WWOX: variants seen among roughly 807,000 people sequenced by gnomAD.
WWOX encodes the protein WW domain-containing oxidoreductase.
Under a neutral mutation model 46.2 loss-of-function variants are expected in WWOX, and 69 were observed. The ratio of observed to expected loss-of-function variants is 1.49; its 90% CI spans 1.23 to 1.82. The LOEUF (loss-of-function observed/expected upper bound fraction) is 1.82. WWOX is among the 40% of genes most tolerant of loss of function. The pLI, the probability that WWOX is intolerant of heterozygous loss-of-function variation, is 0.00. For synonymous variants in WWOX, 359 were observed against 202.6 expected, an observed-to-expected ratio of 1.77 and a Z score of -6.56; for missense variants, 919 against 542.6, an observed-to-expected ratio of 1.69 and a Z score of -6.89.
At chr16:78,487,610 C>A (rs1023905988) in intron 8 of WWOX, among the ~76,000 whole-genome samples, 1 of 152,150 alleles carries the variant, frequency 6.6e-6, no homozygotes, top group Non-Finnish European at 1.5e-5. Context: ...GTCATTTGTA[C>A]TGGGCATCTG....
intron 6 of WWOX, among the ~76,000 whole-genome samples, chr16:78,411,995 T>A (rs1243260131): frequency 6.6e-6 from 1 of 152,202 alleles, no homozygotes; most frequent in African/African-American, 2.4e-5. Flanking sequence ...GTCCTCCTTG[T>A]CAACAGAGCA....
intron 3 of WWOX, 36 bp from the exon 4 acceptor site, chr16:78,114,940 C>A: frequency 6.2e-7 from 1 of 1,613,488 alleles, no homozygotes; most frequent in Non-Finnish European, 8.5e-7. Context: ...TGCCTGTGTT[C>A]ATTGCTGTGG....
chr16:78,333,236 G>T (rs1018504916), intron 5 of WWOX, among the ~76,000 whole-genome samples: 12 of 151,508 alleles, frequency 7.9e-5, no homozygotes, highest in African/African-American at 2.9e-4. Context: ...TTTTGGTAGA[G>T]ACGGCGTTTC....
chr16:78,487,247 A>G (rs1208447722), intron 8 of WWOX, among the ~76,000 whole-genome samples: 1 of 151,060 alleles, frequency 6.6e-6, no homozygotes, highest in Non-Finnish European at 1.5e-5. Flanking sequence ...CATCTTGAAC[A>G]TGTTGCTGTA....
At chr16:78,609,091 C>T (rs2045835366) in intron 8 of WWOX, among the ~76,000 whole-genome samples, 3 of 152,172 alleles carry the variant, frequency 2.0e-5, no homozygotes, top group African/African-American at 7.2e-5. Context: ...ACCTTTCTGT[C>T]CCACCAGATT....
chr16:78,800,953 GAAA>G (rs10591219), intron 8 of WWOX, among the ~76,000 whole-genome samples: 65,050 of 151,330 alleles, frequency 0.43, 15,393 homozygotes, highest in Middle Eastern at 0.6. Flanking sequence ...TCGAAAAACA[GAAA>G]AAAAAAGTGA....
At chr16:78,663,513 A>G (rs984262182) in intron 8 of WWOX, among the ~76,000 whole-genome samples, 12 of 152,158 alleles carry the variant, frequency 7.9e-5, no homozygotes, top group African/African-American at 2.9e-4. Context: ...TAACACTTCT[A>G]TAAGCGTTGC....
At chr16:79,164,961 C>G (rs2050562325) in intron 8 of WWOX, among the ~76,000 whole-genome samples, 1 of 152,122 alleles carries the variant, frequency 6.6e-6, no homozygotes, top group Admixed American at 6.5e-5. Context: ...CCCAGTACAA[C>G]TCTCTAATTC....
chr16:78,901,948 A>G (rs1160092429), intron 8 of WWOX, among the ~76,000 whole-genome samples: 1 of 152,204 alleles, frequency 6.6e-6, no homozygotes, highest in Non-Finnish European at 1.5e-5. Context: ...GATCAATCCC[A>G]TTCCCACTCC....
intron 8 of WWOX, among the ~76,000 whole-genome samples, chr16:78,595,328 C>T (rs1368515277): frequency 6.6e-6 from 1 of 151,910 alleles, no homozygotes; most frequent in African/African-American, 2.4e-5. Flanking sequence ...GGAACCAAAG[C>T]CTGTGTTTTT....
At chr16:78,843,638 A>G (rs2052219672) in intron 8 of WWOX, among the ~76,000 whole-genome samples, 1 of 132,770 alleles carries the variant, frequency 7.5e-6, no homozygotes, top group Non-Finnish European at 1.8e-5. Flanking sequence ...AAGTGAGCAA[A>G]TCACACTCAT....
At chr16:79,182,543 C>T (rs2050933329) in intron 8 of WWOX, among the ~76,000 whole-genome samples, 1 of 151,918 alleles carries the variant, frequency 6.6e-6, no homozygotes, top group Non-Finnish European at 1.5e-5. Flanking sequence ...TTAGCGGGGC[C>T]TGTTATAATG....
intron 8 of WWOX, among the ~76,000 whole-genome samples, chr16:78,752,876 C>G (rs2049520729): frequency 1.3e-5 from 2 of 152,350 alleles, no homozygotes; most frequent in South Asian, 4.1e-4. Context: ...TGATCTAAAT[C>G]TGTCCTGGTC....
intron 5 of WWOX, among the ~76,000 whole-genome samples, chr16:78,367,279 G>A (rs62035779): frequency 1.5e-3 from 231 of 152,056 alleles, no homozygotes; most frequent in Non-Finnish European, 2.4e-3. Context: ...GCACCCAGCC[G>A]AAAAGTTATA....
rs190777485 is a variant in WWOX, at chr16:78,800,003, C to G, written c.1056+367251C>G. ...CTGAGGTTCCGATGAACTCTTTTTT[C>G]TCTCCTTCCCCATTAAAATGGGCAG... On this transcript the variant is annotated intron_variant, in intron 8 of 8. Coordinates refer to ENST00000566780, the MANE Select transcript of WWOX (RefSeq NM_016373.4). 2.2e-4 allele frequency among the ~76,000 whole-genome samples: 33 copies of G among 152,140 alleles called. No homozygotes were observed. In the East Asian group the frequency reaches 6.2e-3, roughly 29 times the overall value.
At chr16:78,765,560 T>C (rs11150099) in intron 8 of WWOX, among the ~76,000 whole-genome samples, 90,041 of 151,864 alleles carry the variant, frequency 0.59, 27,745 homozygotes, top group Admixed American at 0.68. Flanking sequence ...GCGCCTGTAA[T>C]CCTGGCTACT....
chr16:78,341,103 G>C (rs1259720457), intron 5 of WWOX, among the ~76,000 whole-genome samples: 1 of 102,646 alleles, frequency 9.7e-6, no homozygotes, highest in Non-Finnish European at 2.2e-5. Flanking sequence ...CCCATGGCTA[G>C]CTTAAGACTC....
chr16:79,024,938 G>A (rs915608768), intron 8 of WWOX, among the ~76,000 whole-genome samples: 5 of 152,176 alleles, frequency 3.3e-5, no homozygotes, highest in East Asian at 3.9e-4. Flanking sequence ...GTGGGATGAG[G>A]ATGGGGACAC....
intron 8 of WWOX, among the ~76,000 whole-genome samples, chr16:79,180,761 C>G (rs1038798654): frequency 1.3e-5 from 2 of 152,116 alleles, no homozygotes; most frequent in Non-Finnish European, 2.9e-5. Context: ...ATCTATCCAT[C>G]CATCCATCCA....
Sources: allele counts gnomAD v4.1 joint callset (sites outside exome capture counted in the v4.1 genomes callset), GRCh38; gene constraint gnomAD v4.1.1; transcripts MANE v1.5; gene names NCBI Gene and HGNC (gene_info 2026-07-23, HGNC 2026-07-21).